ING5: variants seen among roughly 807,000 people sequenced by gnomAD.
The protein encoded by ING5 is inhibitor of growth protein 5.
In ING5, 17 loss-of-function variants were observed where a neutral mutation model predicts 37.4. The observed-to-expected ratio is 0.45, with a 90% CI of 0.31 to 0.68. ING5 has a LOEUF of 0.68. Ranked by LOEUF, ING5 falls within the 30% of genes least tolerant of loss-of-function variation. ING5 has a pLI of 0.05. For missense variants in ING5, 233 were observed against 311.9 expected (o/e 0.75, Z 1.91); for synonymous variants, 123 against 116.6 (o/e 1.06, Z -0.36).
At chr2:241,719,942 G>C in intron 5 of ING5, 1 of 1,287,282 alleles carries the variant, frequency 7.8e-7, no homozygotes, top group Non-Finnish European at 9.8e-7. Context: ...GATCTAGCTT[G>C]TGTGTGAATC....
upstream of ING5, among the ~76,000 whole-genome samples, chr2:241,700,064 C>A (rs1180192463): frequency 6.7e-6 from 1 of 150,082 alleles, no homozygotes; most frequent in African/African-American, 2.5e-5. Flanking sequence ...CTCACTGCAA[C>A]CTCCACGTAC....
In ING5 at chr2:241,709,469, G is replaced by A. The variant is rs1309575454; in HGVS notation, c.276+87G>A. 2.3e-6 allele frequency: 3 copies of A among 1,327,632 alleles called. No individual in the cohort carries two copies. The East Asian group carries it at 7.2e-5, about 32-fold the overall frequency. The allele number at this position is 1,327,632 out of a possible 1,614,324, so 82.2% of individuals were successfully genotyped here. On this transcript the variant is annotated intron_variant, in intron 3 of 7. Transcript: ENST00000313552. ...AAAATGTAAAAACTGCCCGGAAATG[G>A]GCATAGCCAAGTGGAAGGCTGGCTT...
rs567300113 is a variant in ING5, at chr2:241,728,596, G to A, written c.*3565G>A. ...GTGAAACCGAGCCCTCTGCATCTGCGAATGTGCCCTAGGTGCTGCTGCTGG... is the reference window on the plus strand; with the variant it reads ...GTGAAACCGAGCCCTCTGCATCTGCAAATGTGCCCTAGGTGCTGCTGCTGG... On this transcript the variant is annotated 3_prime_UTR_variant, in exon 8 of 8. Coordinates refer to ENST00000313552, the MANE Select transcript of ING5 (RefSeq NM_032329.6). 7 of 152,786 alleles carry A rather than the reference G, an allele frequency of 4.6e-5. No homozygotes were observed. Among genetic ancestry groups the A allele is most frequent in the South Asian group, 2.1e-4 (1 of 4,828 alleles). 9.5% of individuals were successfully genotyped at this position (152,786 alleles called of 1,614,324 possible). A position where few individuals can be genotyped will look rare whatever the true frequency, so the allele number is the denominator to read the frequency against.
chr2:241,688,634 T>C (rs1265784604), intron 1 of ING5, among the ~76,000 whole-genome samples: 1 of 152,194 alleles, frequency 6.6e-6, no homozygotes, highest in African/African-American at 2.4e-5. Context: ...ATTGCTTTTA[T>C]TTTATTTGAG....
At chr2:241,700,616 C>T (rs1409780246), upstream of ING5, among the ~76,000 whole-genome samples, 2 of 151,866 alleles carry the variant, frequency 1.3e-5, no homozygotes, top group African/African-American at 4.8e-5. Flanking sequence ...CCACCATGCC[C>T]GGCTAGTTTT....
At chr2:241,699,899 A>G (rs548808780), upstream of ING5, among the ~76,000 whole-genome samples, 2 of 152,344 alleles carry the variant, frequency 1.3e-5, no homozygotes, top group South Asian at 4.1e-4. Context: ...TGACATGGGT[A>G]CTGGTGAGCA....
At chr2:241,715,829 T>G (rs185997755) in intron 5 of ING5, among the ~76,000 whole-genome samples, 2 of 150,948 alleles carry the variant, frequency 1.3e-5, no homozygotes, top group Non-Finnish European at 3.0e-5. Context: ...CTATAACTTA[T>G]GTAGAAGTAT....
chr2:241,700,150 GTTTTTTTTTTT>G (rs780209565), upstream of ING5, among the ~76,000 whole-genome samples: 5 of 73,278 alleles, frequency 6.8e-5, no homozygotes, highest in South Asian at 5.6e-4. Flanking sequence ...GCCCGGCTAA[GTTTTTTTTTTT>G]TTTTTTTTTT....
chr2:241,701,907 G>A (rs975662796), upstream of ING5: 1 of 354,562 alleles, frequency 2.8e-6, no homozygotes, highest in Non-Finnish European at 4.9e-6. Flanking sequence ...CCCGCAGCCC[G>A]CCGCCCGCCG....
chr2:241,700,954 G>C (rs995857967), upstream of ING5, among the ~76,000 whole-genome samples: 6 of 144,548 alleles, frequency 4.2e-5, no homozygotes, highest in African/African-American at 1.2e-4. Context: ...TGTTTCTCCA[G>C]TATTTTTTTT....
chr2:241,694,972 A>T (rs2069611009), intron 2 of ING5, among the ~76,000 whole-genome samples: 1 of 139,668 alleles, frequency 7.2e-6, no homozygotes, highest in Admixed American at 7.5e-5. Flanking sequence ...GTGAGCCGAG[A>T]TTGCGCCACC....
chr2:241,711,556 C>T (rs553640551), intron 4 of ING5, 68 bp downstream of exon 4: 66 of 1,131,598 alleles, frequency 5.8e-5, no homozygotes, highest in African/African-American at 3.5e-4. Context: ...AGTTTTGTCA[C>T]GGTAAATCAT....
intron 5 of ING5, among the ~76,000 whole-genome samples, chr2:241,719,200 G>A (rs895000293): frequency 5.9e-5 from 9 of 152,352 alleles, no homozygotes; most frequent in African/African-American, 1.9e-4. Context: ...CGAGAACTCC[G>A]AGGTTGCAGG....
chr2:241,723,887 G>A, intron 7 of ING5: 2 of 1,422,650 alleles, frequency 1.4e-6, no homozygotes, highest in South Asian at 1.1e-5. Context: ...GTGCGTGCCT[G>A]TGGTCCCAAC....
chr2:241,714,088 G>T (rs1041539522), intron 5 of ING5, among the ~76,000 whole-genome samples: 4 of 152,032 alleles, frequency 2.6e-5, no homozygotes, highest in African/African-American at 9.7e-5. Context: ...TTTCCGTAAA[G>T]TGAAGATCTT....
Position 241,692,896 on chromosome 2 carries a change from T to G in ING5, c.43+2243T>G, listed in dbSNP as rs1016738366. ...TGCAAACCCTGCTGTCTGAGCATCA[T>G]GGGTCTGTTAACTGTGCAGCAGACA... is the stretch of plus-strand genomic sequence containing the variant. On this transcript the variant is annotated intron_variant, in intron 2 of 7. Coordinates refer to the ING5 transcript ENST00000636051. 3.9e-5 allele frequency among the ~76,000 whole-genome samples: 6 copies of G among 152,182 alleles called. 1 individual carries two copies.
upstream of ING5, among the ~76,000 whole-genome samples, chr2:241,701,440 C>G (rs1259460835): frequency 6.6e-6 from 1 of 152,312 alleles, no homozygotes; most frequent in East Asian, 1.9e-4. Flanking sequence ...GGGGCGGCCG[C>G]TTTCCTCGGA....
At chr2:241,708,213 GTT>G (rs982217889) in intron 2 of ING5, among the ~76,000 whole-genome samples, 1 of 131,440 alleles carries the variant, frequency 7.6e-6, no homozygotes. Context: ...GTTTTCTTTT[GTT>G]TTTTTTTTTT....
At chr2:241,703,159 C>G (rs2124877641) in intron 1 of ING5, among the ~76,000 whole-genome samples, 1 of 152,334 alleles carries the variant, frequency 6.6e-6, no homozygotes, top group East Asian at 1.9e-4. Flanking sequence ...TGGTGCCCAG[C>G]CAGTGGGCTG....
Sources: allele counts gnomAD v4.1 joint callset (sites outside exome capture counted in the v4.1 genomes callset), GRCh38; gene constraint gnomAD v4.1.1; transcripts MANE v1.5; gene names NCBI Gene and HGNC (gene_info 2026-07-23, HGNC 2026-07-21).